Variants in PHIP observed in about 807,000 individuals in gnomAD.
The protein encoded by PHIP is PHIP subunit of CUL4-Ring ligase complex.
A neutral mutation model predicts 236.8 loss-of-function variants in PHIP; 54 were observed. That is an observed-to-expected ratio of 0.23 (90% CI 0.18 to 0.29). The LOEUF (loss-of-function observed/expected upper bound fraction) is 0.29, where lower values mean the gene tolerates loss of function less well. Among genes scored for constraint, PHIP ranks in the 10% least tolerant of loss-of-function variants. The pLI is 1.00. For synonymous variants in PHIP, 756 were observed against 718.9 expected (o/e 1.05, Z -0.83); for missense variants, 1,370 against 2,190.8 (o/e 0.63, Z 7.48).
chr6:78,947,558 T>G, intron 36 of PHIP, 65 bp downstream of exon 36: 1 of 742,670 alleles, frequency 1.3e-6, no homozygotes, highest in East Asian at 2.8e-5. Flanking sequence ...TAAAGCAACA[T>G]TTAGTCATTT....
chr6:79,037,332 T>A (rs1771990413), intron 7 of PHIP, among the ~76,000 whole-genome samples: 1 of 152,176 alleles, frequency 6.6e-6, no homozygotes, highest in African/African-American at 2.4e-5. Context: ...CAGGTCATAT[T>A]ATCTTTTACA....
rs1287342303 is a variant in PHIP, at chr6:78,940,686, G to C, written c.*7C>G. 6.4e-7 allele frequency: 1 copy of C among 1,562,448 alleles called. No homozygotes were observed. Among genetic ancestry groups the C allele is most frequent in the Non-Finnish European group, 8.7e-7 (1 of 1,147,950 alleles). On this transcript the variant is annotated 3_prime_UTR_variant, in exon 40 of 40. Coordinates refer to ENST00000275034, the MANE Select transcript of PHIP (RefSeq NM_017934.7). ...ATAGATTTTGAAGTAAAATATTTTG[G>C]TACAAGTTACCAACCAATTAAATTA...
chr6:79,043,342 T>C (rs1218923941), intron 6 of PHIP, among the ~76,000 whole-genome samples: 1 of 152,090 alleles, frequency 6.6e-6, no homozygotes, highest in Non-Finnish European at 1.5e-5. Flanking sequence ...TTATATGTTA[T>C]TTCCTTAAAA....
intron 32 of PHIP, chr6:78,957,195 T>A (rs1766475830): frequency 1.3e-5 from 2 of 152,006 alleles, no homozygotes; most frequent in Admixed American, 1.3e-4. Context: ...TCAAATGTAT[T>A]AACAATTTTC....
At chr6:79,000,801 A>C (rs1407793361) in intron 17 of PHIP, among the ~76,000 whole-genome samples, 1 of 152,126 alleles carries the variant, frequency 6.6e-6, no homozygotes, top group African/African-American at 2.4e-5. Flanking sequence ...GTACTGAGAC[A>C]CATTAATCTC....
In PHIP at chr6:78,934,521, TCTG is replaced by T. The variant is rs1773191128; in HGVS notation, c.*6169_*6171del. ...GTGTTGTAAAAACATTAAAAGTCCTTCTGCTAAGGGTTCAGAAAACCTCACACT... is the reference window on the plus strand; with the variant it reads ...GTGTTGTAAAAACATTAAAAGTCCTTCTAAGGGTTCAGAAAACCTCACACT... On this transcript the variant is annotated 3_prime_UTR_variant, in exon 40 of 40. Coordinates refer to ENST00000275034, the MANE Select transcript of PHIP (RefSeq NM_017934.7). 6.6e-6 allele frequency among the ~76,000 whole-genome samples: 1 copy of T among 152,232 alleles called. No homozygotes were observed. The highest frequency in any genetic ancestry group is 2.4e-5 in the African/African-American group (1 of 41,474).
chr6:79,040,190 T>C (rs1366040125), intron 7 of PHIP, among the ~76,000 whole-genome samples: 1 of 152,136 alleles, frequency 6.6e-6, no homozygotes, highest in Non-Finnish European at 1.5e-5. Context: ...GGTACTATTA[T>C]CATCTACTCC....
rs560250021 is a variant in PHIP, at chr6:78,979,882, T to G, written c.2770-1171A>C. ...TGATATCAGAGAACACTACTTGCAATAGGTAATACTACTACTTCCCAACTG... is the reference window on the plus strand; with the variant it reads ...TGATATCAGAGAACACTACTTGCAAGAGGTAATACTACTACTTCCCAACTG... On this transcript the variant is annotated intron_variant, in intron 23 of 39. Coordinates refer to ENST00000275034, the MANE Select transcript of PHIP (RefSeq NM_017934.7). Among the ~76,000 whole-genome samples, 7 of 152,118 alleles carry G rather than the reference T, an allele frequency of 4.6e-5. No homozygotes were observed. In the South Asian group the frequency reaches 1.5e-3, roughly 32 times the overall value.
chr6:79,060,374 C>A, intron 6 of PHIP, 104 bp downstream of exon 6: 1 of 664,826 alleles, frequency 1.5e-6, no homozygotes, highest in South Asian at 2.6e-5. Flanking sequence ...TGCAGATGTA[C>A]ATAATATGAA....
At chr6:79,046,658 C>G (rs1026576092) in intron 6 of PHIP, among the ~76,000 whole-genome samples, 5 of 152,072 alleles carry the variant, frequency 3.3e-5, no homozygotes, top group Non-Finnish European at 5.9e-5. Flanking sequence ...GGGTGGATTA[C>G]TTGAGGTCAG....
chr6:78,973,132 G>C (rs985932382), intron 24 of PHIP, among the ~76,000 whole-genome samples: 1 of 152,114 alleles, frequency 6.6e-6, no homozygotes, highest in African/African-American at 2.4e-5. Flanking sequence ...AGAGAGAAAG[G>C]TCGGGTTACG....
chr6:79,056,890 C>T (rs534687739), intron 6 of PHIP, among the ~76,000 whole-genome samples: 3 of 152,056 alleles, frequency 2.0e-5, no homozygotes, highest in African/African-American at 4.8e-5. Flanking sequence ...ATTTACTCAG[C>T]GAGTGAATGA....
chr6:78,943,109 G>A (rs1773585246), intron 39 of PHIP, among the ~76,000 whole-genome samples: 1 of 151,818 alleles, frequency 6.6e-6, no homozygotes, highest in South Asian at 2.1e-4. Flanking sequence ...GGATATAATG[G>A]GATAAATAAA....
At position 79,002,116 on chromosome 6, in the gene PHIP, A is replaced by G; in HGVS notation, c.1662T>C (p.Asp554=). The part of the protein sequence containing the change: ...GSSSKYDKIA[D]QMFFHSDYRP... ...GATAATCACTATGAAAGAACATCTGATCTGCTATCTGCAAAAAGAAAAGTC... is the reference window on the plus strand; with the variant it reads ...GATAATCACTATGAAAGAACATCTGGTCTGCTATCTGCAAAAAGAAAAGTC... The change falls in exon 17 of 40, where the codon GAT becomes GAC. Residue 554 remains aspartate, a synonymous_variant. Transcript: ENST00000275034. 3.1e-6 allele frequency: 5 copies of G among 1,606,386 alleles called. No individual in the cohort carries two copies. The Admixed American group carries it at 5.0e-5, about 16-fold the overall frequency.
chr6:78,950,700 A>G (rs1774094117), intron 35 of PHIP, among the ~76,000 whole-genome samples: 1 of 152,162 alleles, frequency 6.6e-6, no homozygotes, highest in African/African-American at 2.4e-5. Flanking sequence ...GCTCTATATC[A>G]TCTCTGATAT....
At chr6:78,945,744 C>G in intron 38 of PHIP, 2 of 601,338 alleles carry the variant, frequency 3.3e-6, no homozygotes, top group East Asian at 2.9e-5. Flanking sequence ...AAATTGCTAG[C>G]TAGTGTGGGT....
At chr6:78,958,241 G>A (rs1379637222) in intron 32 of PHIP, 1 of 350,946 alleles carries the variant, frequency 2.8e-6, no homozygotes, top group African/African-American at 2.1e-5. Context: ...AAAACACAAT[G>A]GTAATACGAT....
rs1772501741 is a variant in PHIP at position 79,046,663 on chromosome 6, G to C, written c.440-3660C>G. On this transcript the variant is annotated intron_variant, in intron 6 of 39. Coordinates refer to ENST00000275034, the MANE Select transcript of PHIP (RefSeq NM_017934.7). ...AGGCTGAGGTGGGTGGATTACTTGA[G>C]GTCAGGAGTTCGAGACCAGCCTGGC... is the stretch of plus-strand genomic sequence containing the variant. Among the ~76,000 whole-genome samples the C allele has an allele frequency of 1.3e-5, 2 of 152,048 alleles. 1 individual carries two copies. The highest frequency in any genetic ancestry group is 4.2e-4 in the South Asian group (2 of 4,818).
chr6:79,039,725 C>T (rs903090897), intron 7 of PHIP, among the ~76,000 whole-genome samples: 4 of 152,154 alleles, frequency 2.6e-5, no homozygotes, highest in South Asian at 2.1e-4. Flanking sequence ...TTTTATATGG[C>T]GTTCCATGTA....
Sources: allele counts gnomAD v4.1 joint callset (sites outside exome capture counted in the v4.1 genomes callset), GRCh38; gene constraint gnomAD v4.1.1; transcripts MANE v1.5; gene names NCBI Gene and HGNC (gene_info 2026-07-23, HGNC 2026-07-21).